CPNE4: variants seen among roughly 807,000 people sequenced by gnomAD.
The protein encoded by CPNE4 is copine 4, also known as copine-4.
In CPNE4, 25 loss-of-function variants were observed where a neutral mutation model predicts 67.9. The observed-to-expected ratio is 0.37, with a 90% CI of 0.27 to 0.51. The LOEUF (loss-of-function observed/expected upper bound fraction) is 0.51. Ranked by LOEUF, CPNE4 falls within the 20% of genes least tolerant of loss-of-function variation. The probability of loss-of-function intolerance (pLI) is 0.93; values close to 1 mark genes in which losing one functional copy is unlikely to be tolerated. For missense variants in CPNE4, 464 were observed against 690.8 expected (o/e 0.67, Z 3.68); for synonymous variants, 242 against 244.9 (o/e 0.99, Z 0.11).
chr3:132,007,991 G>A (rs2073652110), intron 1 of CPNE4, among the ~76,000 whole-genome samples: 1 of 152,172 alleles, frequency 6.6e-6, no homozygotes, highest in Admixed American at 6.5e-5. Context: ...CATTGTGCAT[G>A]TAACCTCCTG....
chr3:131,642,581 AG>A (rs2079566668), intron 7 of CPNE4, among the ~76,000 whole-genome samples: 1 of 152,230 alleles, frequency 6.6e-6, no homozygotes, highest in African/African-American at 2.4e-5. Flanking sequence ...CTTGAATTGT[AG>A]TTCCCATAAT....
At chr3:131,555,089 G>GACTT (rs1936389090) in intron 12 of CPNE4, among the ~76,000 whole-genome samples, 1 of 152,030 alleles carries the variant, frequency 6.6e-6, no homozygotes, top group Non-Finnish European at 1.5e-5. Context: ...TGGACTCGGA[G>GACTT]ACTTGGGATA....
Position 131,929,152 on chromosome 3 carries a change from CT to C in CPNE4, c.-1-23709del, listed in dbSNP as rs1182666124. 1.0e-4 allele frequency among the ~76,000 whole-genome samples: 15 copies of C among 144,598 alleles called. 1 individual carries two copies. The highest frequency in any genetic ancestry group is 1.5e-5 in the Non-Finnish European group (1 of 66,950). The allele number at this position is 144,598 out of a possible 152,430, so 94.9% of individuals were successfully genotyped here. A position where few individuals can be genotyped will look rare whatever the true frequency, so the allele number is the denominator to read the frequency against. On this transcript the variant is annotated intron_variant, in intron 1 of 15. Coordinates refer to ENST00000429747, the MANE Select transcript of CPNE4 (RefSeq NM_130808.3). ...TTTATGTATCCTGTCATCTTCTCCT[CT>C]TCTCCTTTCTTCATCAATCATCAGT...
chr3:131,728,386 T>G (rs2082047590), intron 2 of CPNE4, among the ~76,000 whole-genome samples: 2 of 152,214 alleles, frequency 1.3e-5, no homozygotes, highest in South Asian at 4.1e-4. Context: ...CCTATGTAGT[T>G]AAGCTCCAGA....
At chr3:131,638,816 GT>G (rs2079462438) in intron 7 of CPNE4, among the ~76,000 whole-genome samples, 3 of 152,032 alleles carry the variant, frequency 2.0e-5, no homozygotes, top group Admixed American at 2.0e-4. Context: ...ATTATATCAA[GT>G]ACTCTCTCAG....
At chr3:131,879,868 C>T (rs756150017) in intron 2 of CPNE4, among the ~76,000 whole-genome samples, 1 of 152,126 alleles carries the variant, frequency 6.6e-6, no homozygotes, top group Non-Finnish European at 1.5e-5. Context: ...TTATTCTCTA[C>T]CTTATATACC....
At chr3:131,584,741 T>G (rs762381103) in intron 8 of CPNE4, among the ~76,000 whole-genome samples, 1 of 152,206 alleles carries the variant, frequency 6.6e-6, no homozygotes, top group Non-Finnish European at 1.5e-5. Flanking sequence ...CTATCAAATA[T>G]AGTAGCCACC....
At chr3:131,671,458 C>CGTGTGTGTGTGT (rs1560088339) in intron 6 of CPNE4, among the ~76,000 whole-genome samples, 82 of 125,704 alleles carry the variant, frequency 6.5e-4, no homozygotes, top group African/African-American at 2.0e-3. Context: ...TGAGTGTACA[C>CGTGTGTGTGTGT]ATGTGTGTGT....
rs776349594 is a variant in CPNE4, at chr3:131,669,758, T to G, written c.598A>C (p.Met200Leu). 2 of 1,612,894 alleles carry G rather than the reference T, an allele frequency of 1.2e-6. No individual in the cohort carries two copies. The highest frequency in any genetic ancestry group is 1.7e-6 in the Non-Finnish European group (2 of 1,179,100). Residue 200 changes from methionine (M) to leucine (L), a missense_variant, in exon 7 of 16, where the codon ATG (methionine) becomes CTG (leucine). This residue lies in a region of CPNE4 where 58 missense variants were observed against 63.5 expected (regional missense o/e 0.91). Coordinates refer to ENST00000429747, the MANE Select transcript of CPNE4 (RefSeq NM_130808.3). ...QQLVHRTEVV[M>L]NNLSPAWKSF... Reference sequence around the variant, plus strand: ...TTCCAGGCTGGGCTTAAGTTATTCATCACAACCTGGGAAAAGAAAGAGAGG... The same window carrying G: ...TTCCAGGCTGGGCTTAAGTTATTCAGCACAACCTGGGAAAAGAAAGAGAGG...
intron 7 of CPNE4, among the ~76,000 whole-genome samples, chr3:131,599,435 C>T (rs1359165556): frequency 1.3e-5 from 2 of 152,112 alleles, no homozygotes; most frequent in African/African-American, 4.8e-5. Context: ...TAAAAGAAAA[C>T]CTTTCATTTA....
chr3:131,968,687 T>G (rs2072424038), intron 1 of CPNE4, among the ~76,000 whole-genome samples: 1 of 152,118 alleles, frequency 6.6e-6, no homozygotes, highest in Admixed American at 6.5e-5. Flanking sequence ...ATGGCAATCA[T>G]TAAAAAGTCA....
intron 1 of CPNE4, among the ~76,000 whole-genome samples, chr3:131,950,887 G>T (rs1388984474): frequency 1.3e-5 from 2 of 152,116 alleles, no homozygotes; most frequent in African/African-American, 2.4e-5. Context: ...TCAACTTGTG[G>T]TTATTTGTTT....
At chr3:131,565,075 CGTT>C (rs1427684239) in intron 10 of CPNE4, among the ~76,000 whole-genome samples, 25 of 151,940 alleles carry the variant, frequency 1.6e-4, no homozygotes, top group Admixed American at 1.6e-3. Context: ...TGTAAGTAAA[CGTT>C]GAGTCACTGA....
intron 1 of CPNE4, among the ~76,000 whole-genome samples, chr3:131,981,943 G>A (rs913097784): frequency 4.6e-5 from 7 of 152,180 alleles, no homozygotes; most frequent in Non-Finnish European, 7.3e-5. Context: ...CCCAGGTCCT[G>A]CAGGAGCAGA....
chr3:131,956,576 T>C (rs9851153), intron 1 of CPNE4, among the ~76,000 whole-genome samples: 81,525 of 151,664 alleles, frequency 0.54, 22,702 homozygotes, highest in Admixed American at 0.68. Context: ...TTATCATAAA[T>C]GTATAGAAAA....
At chr3:131,966,273 G>C (rs1017252753) in intron 1 of CPNE4, among the ~76,000 whole-genome samples, 2 of 152,044 alleles carry the variant, frequency 1.3e-5, no homozygotes, top group Non-Finnish European at 2.9e-5. Flanking sequence ...GAAAGTAGGA[G>C]AGATCTAAAG....
intron 2 of CPNE4, among the ~76,000 whole-genome samples, chr3:131,901,547 A>G (rs2088551043): frequency 6.6e-6 from 1 of 152,024 alleles, no homozygotes. Context: ...GTTTTCACCT[A>G]ATGAAAATAT....
rs574179163 is a variant in CPNE4, at chr3:131,646,243, T to C, written c.681+23432A>G. Among the ~76,000 whole-genome samples, 59 of 152,332 alleles carry C rather than the reference T, an allele frequency of 3.9e-4. No homozygotes were observed. The South Asian group carries it at 9.7e-3, about 25-fold the overall frequency. On this transcript the variant is annotated intron_variant, in intron 7 of 15. Transcript: ENST00000429747. ...ATTCTTTTCCCCTTCCAGAGCAACA[T>C]ATTTTTTTCTTCCTCTTCTGTAAAA...
chr3:132,000,783 AT>A (rs1369199960), intron 1 of CPNE4, among the ~76,000 whole-genome samples: 1 of 151,742 alleles, frequency 6.6e-6, no homozygotes, highest in Non-Finnish European at 1.5e-5. Flanking sequence ...AAAATGAATA[AT>A]ACAATGCACT....
Sources: gnomAD v4.1 joint callset for allele counts (sites outside exome capture counted in the v4.1 genomes callset) on GRCh38, gnomAD v4.1.1 for gene constraint, gnomAD v4.1.1 regional missense constraint, MANE v1.5 for transcripts, NCBI Gene and HGNC (gene_info 2026-07-23, HGNC 2026-07-21) for gene names.